Variants in RIMS2 observed in about 807,000 individuals in gnomAD.
RIMS2 encodes regulating synaptic membrane exocytosis 2, also known as regulating synaptic membrane exocytosis protein 2.
Under a neutral mutation model 174.4 loss-of-function variants are expected in RIMS2, and 59 were observed. That is an observed-to-expected ratio of 0.34 (90% CI 0.27 to 0.42). RIMS2 has a LOEUF of 0.42. Ranked by LOEUF, RIMS2 falls within the 10% of genes least tolerant of loss-of-function variation. The pLI is 1.00. For missense variants in RIMS2, 1,620 were observed against 1,666.3 expected, an observed-to-expected ratio of 0.97 and a Z score of 0.48; for synonymous variants, 606 against 572.5, an observed-to-expected ratio of 1.06 and a Z score of -0.84.
chr8:103,907,597 A>G (rs1382970605), intron 4 of RIMS2, among the ~76,000 whole-genome samples: 1 of 151,830 alleles, frequency 6.6e-6, no homozygotes, highest in African/African-American at 2.4e-5. Context: ...CCTAAATGTT[A>G]GAATTCAGTT....
In RIMS2 at chr8:104,011,090, G is replaced by A. The variant is rs910152746; in HGVS notation, c.3045-2352G>A. 2.6e-5 allele frequency among the ~76,000 whole-genome samples: 4 copies of A among 152,036 alleles called. No individual in the cohort carries two copies. In the East Asian group the frequency reaches 7.7e-4, roughly 29 times the overall value. On this transcript the variant is annotated intron_variant, in intron 17 of 23. Coordinates refer to ENST00000504942, the Ensembl canonical transcript of RIMS2. ...GTACTATATCTCAATCCCTTTAAGG[G>A]ACCTGATGTAAGACTGTGTAATTTA... is the stretch of plus-strand genomic sequence containing the variant.
chr8:104,224,681 G>A (rs1229223423), intron 19 of RIMS2, among the ~76,000 whole-genome samples: 1 of 152,004 alleles, frequency 6.6e-6, no homozygotes. Flanking sequence ...CTTTTATCCC[G>A]AGAAAATCAA....
chr8:103,770,773 CCTT>C (rs2098244180), intron 3 of RIMS2, among the ~76,000 whole-genome samples: 4 of 151,880 alleles, frequency 2.6e-5, no homozygotes, highest in Admixed American at 2.0e-4. Flanking sequence ...CAGCTTCTAT[CCTT>C]CTCTTTCTGT....
intron 16 of RIMS2, among the ~76,000 whole-genome samples, chr8:103,979,066 A>G (rs1209535540): frequency 6.6e-6 from 1 of 152,220 alleles, no homozygotes; most frequent in African/African-American, 2.4e-5. Flanking sequence ...TTTTAAAAAG[A>G]TAGTTTTTAA....
intron 17 of RIMS2, among the ~76,000 whole-genome samples, chr8:104,011,733 G>A (rs1303251639): frequency 6.6e-6 from 1 of 151,940 alleles, no homozygotes; most frequent in Non-Finnish European, 1.5e-5. Context: ...GGTAATTGTA[G>A]CTATTTCCCA....
At chr8:104,074,602 C>T (rs967555867) in intron 19 of RIMS2, among the ~76,000 whole-genome samples, 1 of 151,806 alleles carries the variant, frequency 6.6e-6, no homozygotes, top group Non-Finnish European at 1.5e-5. Context: ...CCTTTACTCT[C>T]AAATAAGGAG....
intron 1 of RIMS2, among the ~76,000 whole-genome samples, chr8:103,514,577 A>C (rs1828046606): frequency 6.6e-6 from 1 of 151,586 alleles, no homozygotes; most frequent in South Asian, 2.1e-4. Flanking sequence ...CAATATCTAC[A>C]ATGAGACACT....
chr8:103,916,304 A>G (rs1314381111), intron 7 of RIMS2, 110 bp from the exon 11 acceptor site: 6 of 731,582 alleles, frequency 8.2e-6, no homozygotes, highest in African/African-American at 1.8e-5. Flanking sequence ...TTCGTATTGT[A>G]TAATGGTTAT....
Position 103,656,412 on chromosome 8 carries a change from G to T in RIMS2, c.177-40674G>T, listed in dbSNP as rs1334061107. Among the ~76,000 whole-genome samples, 4 of 152,216 alleles carry T rather than the reference G, an allele frequency of 2.6e-5. No homozygotes were observed. The East Asian group carries it at 7.7e-4, about 29-fold the overall frequency. On this transcript the variant is annotated intron_variant, in intron 1 of 23. Coordinates refer to ENST00000504942, the Ensembl canonical transcript of RIMS2. ...AGAAAAATGCATAAAATAACCTAGA[G>T]AGAGAGTGTGTGATAAAGAGCAGAC...
At chr8:103,729,107 A>G (rs1397193642) in intron 2 of RIMS2, among the ~76,000 whole-genome samples, 1 of 151,974 alleles carries the variant, frequency 6.6e-6, no homozygotes, top group Non-Finnish European at 1.5e-5. Flanking sequence ...GAGTTTGGAA[A>G]TATTCCCTCC....
At chr8:103,665,960 A>G (rs113070312) in intron 1 of RIMS2, among the ~76,000 whole-genome samples, 4 of 152,156 alleles carry the variant, frequency 2.6e-5, no homozygotes, top group Admixed American at 6.6e-5. Flanking sequence ...TTTCTTATAT[A>G]TTAATACTTA....
chr8:103,751,774 G>A lies in RIMS2; in HGVS notation c.388-14453G>A, dbSNP rs1364506130. Among the ~76,000 whole-genome samples, 67 of 150,736 alleles carry A rather than the reference G, an allele frequency of 4.4e-4. No homozygotes were observed. The South Asian group carries it at 0.011, about 26-fold the overall frequency. ...TGAGAAGTGTCTGTTCATGTCCTTC[G>A]CCCACTTTTTGATGGGGTTGTTTGT... On this transcript the variant is annotated intron_variant, in intron 2 of 23. Transcript: ENST00000504942.
At chr8:103,980,273 A>G (rs1194652656) in intron 16 of RIMS2, among the ~76,000 whole-genome samples, 4 of 151,978 alleles carry the variant, frequency 2.6e-5, no homozygotes, top group Admixed American at 2.0e-4. Flanking sequence ...AACGAGGCAG[A>G]GTCAAGAAGC....
At chr8:103,661,768 G>A (rs1390276295) in intron 1 of RIMS2, among the ~76,000 whole-genome samples, 6 of 152,194 alleles carry the variant, frequency 3.9e-5, no homozygotes, top group Non-Finnish European at 5.9e-5. Context: ...GTCTCCCAAC[G>A]TGCTAGGATT....
chr8:104,018,711 A>C (rs1039212495), intron 19 of RIMS2, among the ~76,000 whole-genome samples: 1 of 152,206 alleles, frequency 6.6e-6, no homozygotes, highest in African/African-American at 2.4e-5. Flanking sequence ...TTTTGAATCT[A>C]GTAGAAGCAA....
chr8:103,973,584 T>A (rs2093128015), intron 15 of RIMS2, among the ~76,000 whole-genome samples: 1 of 152,142 alleles, frequency 6.6e-6, no homozygotes, highest in Non-Finnish European at 1.5e-5. Flanking sequence ...GAAGGATAAG[T>A]CTGCAAAGTT....
intron 19 of RIMS2, among the ~76,000 whole-genome samples, chr8:104,038,647 A>G (rs781716831): frequency 2.0e-5 from 3 of 151,946 alleles, no homozygotes; most frequent in African/African-American, 4.8e-5. Flanking sequence ...ATTCATTATA[A>G]TACTATATGC....
chr8:103,564,799 C>A (rs1289032985), intron 1 of RIMS2, among the ~76,000 whole-genome samples: 1 of 152,180 alleles, frequency 6.6e-6, no homozygotes, highest in African/African-American at 2.4e-5. Context: ...AAATGTTAAT[C>A]CTTTAGCAAC....
rs186546047 is a variant in RIMS2, at chr8:104,156,379, A to G, written c.3335-88537A>G. On this transcript the variant is annotated intron_variant, in intron 19 of 23. Transcript: ENST00000504942. ...TTGGCTGCTTAGTCAGAAGGCTCAT[A>G]CTGGAAAATGGGACATTGGGAAATT... Among the ~76,000 whole-genome samples, 499 of 152,266 alleles carry G rather than the reference A, an allele frequency of 3.3e-3. 4 individuals carry two copies. Among genetic ancestry groups the G allele is most frequent in the African/African-American group, 0.011 (458 of 41,564 alleles).
Sources: gnomAD v4.1 joint callset for allele counts (sites outside exome capture counted in the v4.1 genomes callset) on GRCh38, gnomAD v4.1.1 for gene constraint, MANE v1.5 for transcripts, NCBI Gene and HGNC (gene_info 2026-07-23, HGNC 2026-07-21) for gene names.